The following ARHGAP22 variants were observed in gnomAD, a reference collection of about 807,000 sequenced individuals.
ARHGAP22 encodes Rho GTPase activating protein 22.
In ARHGAP22, 48 loss-of-function variants were observed where a neutral mutation model predicts 59.1. The ratio of observed to expected loss-of-function variants is 0.81; its 90% CI spans 0.64 to 1.03. ARHGAP22 has a LOEUF of 1.03. Among genes scored for constraint, ARHGAP22 ranks in the 50% least tolerant of loss-of-function variants. The pLI is 0.00. For missense variants in ARHGAP22, 1,015 were observed against 958.7 expected, an observed-to-expected ratio of 1.06 and a Z score of -0.78; for synonymous variants, 445 against 416.4, an observed-to-expected ratio of 1.07 and a Z score of -0.84.
At chr10:48,537,798 T>C (rs1002074803) in intron 3 of ARHGAP22, among the ~76,000 whole-genome samples, 2 of 152,202 alleles carry the variant, frequency 1.3e-5, no homozygotes, top group Non-Finnish European at 2.9e-5. Flanking sequence ...AAGTAAATGA[T>C]ACAGCATGGC....
At chr10:48,586,652 C>T (rs1419583326) in intron 1 of ARHGAP22, among the ~76,000 whole-genome samples, 2 of 152,214 alleles carry the variant, frequency 1.3e-5, no homozygotes, top group Non-Finnish European at 2.9e-5. Flanking sequence ...TCACTACCAA[C>T]ATAAAATAGT....
At chr10:48,582,543 G>T (rs537015400) in intron 2 of ARHGAP22, among the ~76,000 whole-genome samples, 3 of 152,214 alleles carry the variant, frequency 2.0e-5, no homozygotes, top group African/African-American at 4.8e-5. Flanking sequence ...CAGGATGGGT[G>T]CAAGGGCTTC....
rs116219650 is a variant in ARHGAP22, at chr10:48,546,491, G to A, written c.322+8972C>T. 1,282 of 160,604 alleles carry A rather than the reference G, an allele frequency of 8.0e-3. 14 individuals are homozygous for A. The highest frequency in any genetic ancestry group is 0.029 in the African/African-American group (1,227 of 41,788). 9.9% of individuals were successfully genotyped at this position (160,604 alleles called of 1,614,324 possible). ...GGATGATTACTGATCTCTCCATTCC[G>A]TTAGGGGTGACCCTGGCAACAGGGC... On this transcript the variant is annotated intron_variant, in intron 3 of 9. Coordinates refer to ENST00000249601, the MANE Select transcript of ARHGAP22 (RefSeq NM_021226.4).
At chr10:48,537,634 C>T (rs538767851) in intron 3 of ARHGAP22, among the ~76,000 whole-genome samples, 2 of 152,328 alleles carry the variant, frequency 1.3e-5, no homozygotes, top group Admixed American at 1.3e-4. Context: ...CAGTGAAACT[C>T]AGGAAGATGA....
At chr10:48,509,530 C>T (rs985922403) in intron 3 of ARHGAP22, among the ~76,000 whole-genome samples, 9 of 152,204 alleles carry the variant, frequency 5.9e-5, no homozygotes, top group South Asian at 2.1e-4. Flanking sequence ...ATGCTCAAGT[C>T]GAAGGCGGGC....
At chr10:48,439,463 C>G in the ARHGAP22 span, 1 of 151,496 alleles carries the variant, frequency 6.6e-6, no homozygotes, top group East Asian at 1.9e-4. Flanking sequence ...TTGCTAGGGC[C>G]GGTTTCTTAG....
chr10:48,537,938 C>T (rs1201374551), intron 3 of ARHGAP22, among the ~76,000 whole-genome samples: 1 of 152,194 alleles, frequency 6.6e-6, no homozygotes, highest in Non-Finnish European at 1.5e-5. Flanking sequence ...GACTGGATTC[C>T]AAGACTAGTG....
rs765467347 is a variant in ARHGAP22, at chr10:48,604,745, C to G, written c.34+18G>C. 1.2e-6 allele frequency: 2 copies of G among 1,614,238 alleles called. No homozygotes were observed. Among genetic ancestry groups the G allele is most frequent in the Admixed American group, 3.3e-5 (2 of 60,034 alleles). ...GGCACATGCGGTGCCCAGAGAAACC[C>G]CAGAAAGTTGGACTTACCCCTCCTG... On this transcript the variant is annotated intron_variant, in intron 1 of 9. Transcript: ENST00000249601.
downstream of ARHGAP22, among the ~76,000 whole-genome samples, chr10:48,443,466 G>A (rs2045250224): frequency 6.6e-6 from 1 of 152,068 alleles, no homozygotes; most frequent in African/African-American, 2.4e-5. Context: ...AAGTGTTGCG[G>A]GGCTTGCTTT....
At chr10:48,622,880 C>T (rs1028965083) in intron 1 of ARHGAP22, among the ~76,000 whole-genome samples, 1 of 152,218 alleles carries the variant, frequency 6.6e-6, no homozygotes, top group Admixed American at 6.5e-5. Context: ...GTCTCCTGCT[C>T]TTAAGAGCCA....
At chr10:48,563,867 G>A (rs892454090) in intron 2 of ARHGAP22, among the ~76,000 whole-genome samples, 9 of 151,630 alleles carry the variant, frequency 5.9e-5, no homozygotes, top group African/African-American at 2.2e-4. Flanking sequence ...GGACATATTG[G>A]GTAATCCAAT....
intron 1 of ARHGAP22, among the ~76,000 whole-genome samples, chr10:48,645,289 T>A (rs933918687): frequency 1.3e-5 from 2 of 152,208 alleles, no homozygotes; most frequent in African/African-American, 2.4e-5. Flanking sequence ...TACCTTGATA[T>A]TAAAGCTAGA....
intron 1 of ARHGAP22, among the ~76,000 whole-genome samples, chr10:48,623,728 C>T (rs921171099): frequency 6.6e-6 from 1 of 152,212 alleles, no homozygotes; most frequent in Non-Finnish European, 1.5e-5. Context: ...CATGTCCGAT[C>T]TCCAGGGCAG....
chr10:48,608,054 C>G (rs148561898), upstream of ARHGAP22, among the ~76,000 whole-genome samples: 24 of 152,328 alleles, frequency 1.6e-4, no homozygotes, highest in African/African-American at 5.1e-4. Context: ...TCTGATTTAA[C>G]TAGTCTGCAG....
At chr10:48,627,243 T>C (rs769464423) in intron 1 of ARHGAP22, among the ~76,000 whole-genome samples, 3 of 152,272 alleles carry the variant, frequency 2.0e-5, no homozygotes, top group South Asian at 2.1e-4. Flanking sequence ...GTCATTCTAG[T>C]GAATTATCAA....
chr10:48,502,177 T>C lies in ARHGAP22; in HGVS notation c.323-22413A>G, dbSNP rs533718981. 3.3e-5 allele frequency among the ~76,000 whole-genome samples: 5 copies of C among 152,248 alleles called. No individual in the cohort carries two copies. In the South Asian group the frequency reaches 1.0e-3, roughly 32 times the overall value. Reference sequence around the variant, plus strand: ...TCACTAGCTTATAATCATAGCAGAGTTTCACTTCTTAAAACCAGCCTCTCC... The same window carrying C: ...TCACTAGCTTATAATCATAGCAGAGCTTCACTTCTTAAAACCAGCCTCTCC... On this transcript the variant is annotated intron_variant, in intron 3 of 9. Coordinates refer to ENST00000249601, the MANE Select transcript of ARHGAP22 (RefSeq NM_021226.4).
upstream of ARHGAP22, among the ~76,000 whole-genome samples, chr10:48,609,546 A>T (rs1257890630): frequency 2.0e-5 from 3 of 152,218 alleles, no homozygotes; most frequent in African/African-American, 7.2e-5. Flanking sequence ...CTTGAGAGAA[A>T]GAGAAATTAA....
chr10:48,581,815 C>G (rs1177392109), intron 2 of ARHGAP22, among the ~76,000 whole-genome samples: 1 of 152,200 alleles, frequency 6.6e-6, no homozygotes, highest in Non-Finnish European at 1.5e-5. Flanking sequence ...CAAGCGGGAA[C>G]TTTCCATAGA....
In ARHGAP22 at chr10:48,450,664, G is replaced by A. The variant is rs144042287; in HGVS notation, c.1465C>T (p.Leu489Phe). Residue 489 changes from leucine to phenylalanine, a missense_variant, in exon 9 of 10, where the codon CTC becomes TTC. Leu to Phe is a conservative substitution (Grantham distance 22). Transcript: ENST00000249601. ...GCGGGCACATTGTCGTAGGTGGAGAGTCTCTGCACGGAGCCCGAGTCCTTG... is the reference window on the plus strand; with the variant it reads ...GCGGGCACATTGTCGTAGGTGGAGAATCTCTGCACGGAGCCCGAGTCCTTG... ...RLKDSGSVQR[L>F]STYDNVPAPG... is the part of the protein sequence containing the mutation. 147 of 1,550,374 alleles carry A rather than the reference G, an allele frequency of 9.5e-5. No homozygotes were observed. The highest frequency in any genetic ancestry group is 1.2e-4 in the Non-Finnish European group (140 of 1,147,130).
Sources: gnomAD v4.1 joint callset for allele counts (sites outside exome capture counted in the v4.1 genomes callset) on GRCh38, gnomAD v4.1.1 for gene constraint, MANE v1.5 for transcripts, NCBI Gene and HGNC (gene_info 2026-07-23, HGNC 2026-07-21) for gene names.